CNTN6: variants seen among roughly 807,000 people sequenced by gnomAD.
CNTN6 encodes contactin-6.
CNTN6 carries 137 observed loss-of-function variants against 122.8 expected under a neutral mutation model. The ratio of observed to expected loss-of-function variants is 1.12; its 90% CI spans 0.97 to 1.29. CNTN6 has a LOEUF of 1.29. Ranked by LOEUF, CNTN6 falls within the 50% of genes most tolerant of loss-of-function variation. The pLI is 0.00. For synonymous variants in CNTN6, 570 were observed against 426.0 expected, an observed-to-expected ratio of 1.34 and a Z score of -4.16; for missense variants, 1,634 against 1,223.4, an observed-to-expected ratio of 1.34 and a Z score of -5.01.
At chr3:1,366,068 G>A (rs1708174669) in intron 12 of CNTN6, among the ~76,000 whole-genome samples, 1 of 152,078 alleles carries the variant, frequency 6.6e-6, no homozygotes, top group South Asian at 2.1e-4. Context: ...ACGTATTCAA[G>A]GTCTAGACAC....
rs1484144189 is a variant in CNTN6, at chr3:1,131,892, T to A, written c.-82-16035T>A. 2.0e-5 allele frequency among the ~76,000 whole-genome samples: 3 copies of A among 152,028 alleles called. No individual in the cohort carries two copies. The East Asian group carries it at 5.8e-4, about 29-fold the overall frequency. On this transcript the variant is annotated intron_variant, in intron 1 of 22. Transcript: ENST00000446702. ...AAATGTAGCCGTATATCATTGGCAT[T>A]CATGAGAAAATTCAGATTAGATGTT...
chr3:1,240,729 GA>G (rs1373369032), intron 4 of CNTN6, among the ~76,000 whole-genome samples: 2 of 150,954 alleles, frequency 1.3e-5, no homozygotes, highest in East Asian at 1.9e-4. Flanking sequence ...AGAAAAAAAA[GA>G]AAAAAATTTC....
chr3:1,158,882 A>G (rs1396278288), intron 2 of CNTN6, among the ~76,000 whole-genome samples: 3 of 134,766 alleles, frequency 2.2e-5, no homozygotes, highest in African/African-American at 6.0e-5. Context: ...ATATACACAT[A>G]TATACACACA....
chr3:1,155,646 C>T (rs950205062), intron 2 of CNTN6, among the ~76,000 whole-genome samples: 8 of 152,262 alleles, frequency 5.3e-5, no homozygotes, highest in African/African-American at 1.9e-4. Context: ...AGTGCTGTTT[C>T]AGTATTACTG....
chr3:1,379,505 C>G (rs142970230), intron 17 of CNTN6, among the ~76,000 whole-genome samples: 1 of 151,968 alleles, frequency 6.6e-6, no homozygotes, highest in Admixed American at 6.6e-5. Context: ...TCCATCATAC[C>G]CCAAACCTCA....
intron 1 of CNTN6, among the ~76,000 whole-genome samples, chr3:1,124,078 A>G (rs2092065465): frequency 6.6e-6 from 1 of 151,872 alleles, no homozygotes; most frequent in South Asian, 2.1e-4. Context: ...ATTCTGTTGG[A>G]CTAGAGGTGA....
intron 7 of CNTN6, among the ~76,000 whole-genome samples, chr3:1,311,094 CAAAT>C (rs1034509850): frequency 6.7e-6 from 1 of 148,942 alleles, no homozygotes; most frequent in Non-Finnish European, 1.5e-5. Context: ...TAAAGCAAAA[CAAAT>C]ACATACTTAG....
At chr3:1,167,338 G>GA (rs139861148) in intron 2 of CNTN6, among the ~76,000 whole-genome samples, 2,651 of 152,170 alleles carry the variant, frequency 0.017, 71 homozygotes, top group African/African-American at 0.059. Context: ...ATCTTTACGG[G>GA]AGGTCTTACC....
In CNTN6 at chr3:1,373,917, T is replaced by G; in HGVS notation, c.1946-7T>G. On this transcript the variant is annotated splice_polypyrimidine_tract_variant and splice_region_variant and intron_variant, in intron 15 of 22. Coordinates refer to ENST00000446702, the MANE Select transcript of CNTN6 (RefSeq NM_001289080.2). ...ACCTAGGTGCCTTAGTGTCTCATTC[T>G]TTTTAGTTCCAGAAATTCTCAATGG... 1.9e-6 allele frequency: 3 copies of G among 1,606,958 alleles called. No homozygotes were observed. Among genetic ancestry groups the G allele is most frequent in the Non-Finnish European group, 1.7e-6 (2 of 1,175,774 alleles).
chr3:1,173,593 C>T (rs1040912131), intron 2 of CNTN6, among the ~76,000 whole-genome samples: 2 of 152,172 alleles, frequency 1.3e-5, no homozygotes, highest in African/African-American at 4.8e-5. Context: ...TTTATCACAC[C>T]ACCTCCCTGT....
intron 2 of CNTN6, among the ~76,000 whole-genome samples, chr3:1,213,122 A>G (rs1161260359): frequency 6.6e-6 from 1 of 152,180 alleles, no homozygotes; most frequent in African/African-American, 2.4e-5. Context: ...CTGTATGTAT[A>G]TATTTTTTGA....
chr3:1,386,160 G>A (rs148263260), intron 20 of CNTN6, among the ~76,000 whole-genome samples: 308 of 152,146 alleles, frequency 2.0e-3, no homozygotes, highest in Non-Finnish European at 3.8e-3. Flanking sequence ...TATAAAATGA[G>A]GAAAAAGTCA....
intron 2 of CNTN6, among the ~76,000 whole-genome samples, chr3:1,160,272 C>T (rs1399409085): frequency 6.7e-6 from 1 of 149,280 alleles, no homozygotes; most frequent in African/African-American, 2.5e-5. Context: ...TCCCAGAAGC[C>T]CTTTCCAATC....
chr3:1,337,883 C>A (rs1021935337), intron 11 of CNTN6, among the ~76,000 whole-genome samples: 1 of 152,016 alleles, frequency 6.6e-6, no homozygotes, highest in African/African-American at 2.4e-5. Context: ...TTTCATTTTC[C>A]CCTCTTGCCA....
intron 4 of CNTN6, among the ~76,000 whole-genome samples, chr3:1,235,162 G>T (rs773209634): frequency 6.6e-6 from 1 of 152,052 alleles, no homozygotes; most frequent in Non-Finnish European, 1.5e-5. Context: ...AGTCTTTTTA[G>T]TTCATTTGAA....
Position 1,163,713 on chromosome 3 carries a change from A to G in CNTN6, c.55+15650A>G, listed in dbSNP as rs541236706. Among the ~76,000 whole-genome samples the G allele has an allele frequency of 2.6e-5, 4 of 152,332 alleles. No individual in the cohort carries two copies. In the South Asian group the frequency reaches 8.3e-4, roughly 32 times the overall value. On this transcript the variant is annotated intron_variant, in intron 2 of 22. Coordinates refer to ENST00000446702, the MANE Select transcript of CNTN6 (RefSeq NM_001289080.2). ...ATTACAGGCATGAGCTACTGTGCCCAGCAAAGCTCATTGATTAGTCTGCCT... is the reference window on the plus strand; with the variant it reads ...ATTACAGGCATGAGCTACTGTGCCCGGCAAAGCTCATTGATTAGTCTGCCT...
chr3:1,327,514 T>C lies in CNTN6; in HGVS notation c.1141T>C (p.Ser381Pro). Residue 381 changes from serine to proline, a missense_variant, in exon 10 of 23, where the codon TCT becomes CCT. Physicochemically the swap from Ser to Pro is moderately conservative, Grantham distance 74. Transcript: ENST00000446702. Reference sequence around the variant, plus strand: ...CATAACGATGCTGAATGTGTCAGATTCTGGTGTGTACCAATGTGCTGCAGA... The same window carrying C: ...CATAACGATGCTGAATGTGTCAGATCCTGGTGTGTACCAATGTGCTGCAGA... ...LIITMLNVSD[S>P]GVYQCAAENK... 1 of 1,611,120 alleles carries C rather than the reference T, an allele frequency of 6.2e-7. No individual in the cohort carries two copies. The highest frequency in any genetic ancestry group is 8.5e-7 in the Non-Finnish European group (1 of 1,178,184).
chr3:1,255,414 A>G (rs1367454545), intron 4 of CNTN6, among the ~76,000 whole-genome samples: 1 of 122,922 alleles, frequency 8.1e-6, no homozygotes, highest in Non-Finnish European at 1.7e-5. Flanking sequence ...ACATTTGAAA[A>G]TGGAAAAAAA....
At chr3:1,395,422 G>T (rs926523478) in intron 20 of CNTN6, among the ~76,000 whole-genome samples, 2 of 152,054 alleles carry the variant, frequency 1.3e-5, no homozygotes, top group Admixed American at 1.3e-4. Context: ...TCTGGCTTTT[G>T]GAGACCACCC....
Sources: gnomAD v4.1 joint callset for allele counts (sites outside exome capture counted in the v4.1 genomes callset) on GRCh38, gnomAD v4.1.1 for gene constraint, MANE v1.5 for transcripts, NCBI Gene and HGNC (gene_info 2026-07-23, HGNC 2026-07-21) for gene names.